CD8B: variants seen among roughly 807,000 people sequenced by gnomAD.
CD8B encodes the protein T-cell surface glycoprotein CD8 beta chain.
Under a neutral mutation model 24.2 loss-of-function variants are expected in CD8B, and 6 were observed. That is an observed-to-expected ratio of 0.25 (90% CI 0.14 to 0.49). The LOEUF (loss-of-function observed/expected upper bound fraction) is 0.49. Ranked by LOEUF, CD8B falls within the 20% of genes least tolerant of loss-of-function variation. The probability of loss-of-function intolerance (pLI) is 0.98; values close to 1 mark genes in which losing one functional copy is unlikely to be tolerated. For missense variants in CD8B, 196 were observed against 271.3 expected (o/e 0.72, Z 1.95); for synonymous variants, 84 against 108.3 (o/e 0.78, Z 1.39).
At chr2:86,828,862 TCACTTTTTAAA>T (rs1324311053) in intron 5 of CD8B, among the ~76,000 whole-genome samples, 1 of 152,122 alleles carries the variant, frequency 6.6e-6, no homozygotes, top group Non-Finnish European at 1.5e-5. Flanking sequence ...TAACTCTTCA[TCACTTTTTAAA>T]AACAGTAATT....
chr2:86,832,045 C>G (rs1361470854), intron 5 of CD8B, among the ~76,000 whole-genome samples: 3 of 152,206 alleles, frequency 2.0e-5, no homozygotes, highest in Non-Finnish European at 4.4e-5. Context: ...CTTAATTGTG[C>G]TGTCTCATCT....
chr2:86,853,266 A>G (rs1676065832), intron 2 of CD8B, among the ~76,000 whole-genome samples, 180 bp from the exon 3 acceptor site: 2 of 150,888 alleles, frequency 1.3e-5, no homozygotes, highest in South Asian at 2.1e-4. Context: ...ACATGGTGAA[A>G]CCCCCTCTCT....
intron 5 of CD8B, among the ~76,000 whole-genome samples, chr2:86,817,304 A>G (rs1168416418): frequency 1.3e-5 from 2 of 152,202 alleles, no homozygotes; most frequent in East Asian, 1.9e-4. Context: ...CCACTTCCAG[A>G]TTCATTGCTC....
intron 5 of CD8B, among the ~76,000 whole-genome samples, chr2:86,816,121 C>T (rs1018879101): frequency 2.0e-5 from 3 of 152,172 alleles, no homozygotes; most frequent in African/African-American, 7.2e-5. Flanking sequence ...GTCTGACCTG[C>T]AAATTAGTTT....
At chr2:86,845,909 T>G (rs1675649776) in intron 4 of CD8B, among the ~76,000 whole-genome samples, 1 of 152,026 alleles carries the variant, frequency 6.6e-6, no homozygotes, top group Non-Finnish European at 1.5e-5. Context: ...TTCAAAGGGG[T>G]CTGTGACCTA....
chr2:86,842,929 G>C (rs1015040264), intron 5 of CD8B, among the ~76,000 whole-genome samples: 1 of 151,992 alleles, frequency 6.6e-6, no homozygotes, highest in African/African-American at 2.4e-5. Context: ...CTGATCCTGG[G>C]CTTGCAAAAG....
chr2:86,859,452 G>T (rs1676459971), intron 1 of CD8B, among the ~76,000 whole-genome samples: 1 of 152,214 alleles, frequency 6.6e-6, no homozygotes, highest in Admixed American at 6.5e-5. Context: ...CTTATGAACG[G>T]AGGACAGCTT....
At chr2:86,861,600 G>A (rs1383050779) in intron 1 of CD8B, among the ~76,000 whole-genome samples, 1 of 152,160 alleles carries the variant, frequency 6.6e-6, no homozygotes, top group Non-Finnish European at 1.5e-5. Context: ...AGGGGAGGTG[G>A]CCTCAGTCCA....
intron 5 of CD8B, chr2:86,821,719 C>T (rs1368615537): frequency 6.8e-6 from 3 of 441,224 alleles, no homozygotes; most frequent in East Asian, 7.2e-5. Context: ...TGAACGCCTT[C>T]GGAACCCTCC....
chr2:86,815,898 C>A (rs1381952540), intron 5 of CD8B, among the ~76,000 whole-genome samples: 1 of 152,168 alleles, frequency 6.6e-6, no homozygotes, highest in Non-Finnish European at 1.5e-5. Flanking sequence ...CAGGATCCAA[C>A]CACATTTGAT....
At chr2:86,828,781 C>T (rs1169383742) in intron 5 of CD8B, among the ~76,000 whole-genome samples, 1 of 152,190 alleles carries the variant, frequency 6.6e-6, no homozygotes, top group Non-Finnish European at 1.5e-5. Context: ...ATGCAACCAG[C>T]AACCTCTACT....
Position 86,841,813 on chromosome 2 carries a change from C to G in CD8B, c.*494G>C, listed in dbSNP as rs1345059652. The G allele has an allele frequency of 6.8e-5, 67 of 985,832 alleles. 1 individual carries two copies. The Middle Eastern group carries it at 1.6e-3, about 23-fold the overall frequency. 61.1% of individuals were successfully genotyped at this position (985,832 alleles called of 1,614,324 possible). ...ATGCCTTCTGGGAACTGGACAGCCC[C>G]TCTCAGCAAGCCTCATTCCCAACCT... On this transcript the variant is annotated 3_prime_UTR_variant, in exon 6 of 6. Coordinates refer to ENST00000390655, the MANE Select transcript of CD8B (RefSeq NM_004931.5).
chr2:86,848,985 G>T (rs1289561420), intron 3 of CD8B, among the ~76,000 whole-genome samples: 3 of 151,646 alleles, frequency 2.0e-5, no homozygotes, highest in Admixed American at 6.6e-5. Flanking sequence ...CCAAAGTGCT[G>T]GGATTACAGG....
chr2:86,842,678 C>T (rs1259485978), intron 5 of CD8B, among the ~76,000 whole-genome samples: 2 of 152,176 alleles, frequency 1.3e-5, no homozygotes, highest in Non-Finnish European at 2.9e-5. Flanking sequence ...GAACAACTAC[C>T]TCAAATCGCA....
chr2:86,815,638 T>A, exon 6 of CD8B: 1 of 1,612,820 alleles, frequency 6.2e-7, no homozygotes, highest in Non-Finnish European at 8.5e-7. Flanking sequence ...GTTAAGCAGC[T>A]TCTGTGAGGT....
intron 5 of CD8B, among the ~76,000 whole-genome samples, chr2:86,821,984 C>G (rs1674496796): frequency 6.6e-6 from 1 of 152,142 alleles, no homozygotes; most frequent in Non-Finnish European, 1.5e-5. Context: ...TATGTCTGCC[C>G]TGTGGCTTCT....
intron 2 of CD8B, among the ~76,000 whole-genome samples, chr2:86,855,648 A>G (rs1336818673): frequency 6.6e-6 from 1 of 152,244 alleles, no homozygotes; most frequent in Non-Finnish European, 1.5e-5. Context: ...GTAAGAGGAA[A>G]CTGTCATCAG....
downstream of CD8B, among the ~76,000 whole-genome samples, chr2:86,834,807 G>A (rs142057616): frequency 7.8e-3 from 1,186 of 151,790 alleles, 10 homozygotes; most frequent in Non-Finnish European, 0.012. Flanking sequence ...ATGATGGCGC[G>A]CACCTGGAAT....
At chr2:86,853,707 T>A (rs1179602626) in intron 2 of CD8B, among the ~76,000 whole-genome samples, 1 of 151,984 alleles carries the variant, frequency 6.6e-6, no homozygotes, top group Non-Finnish European at 1.5e-5. Context: ...ATTTATTTAT[T>A]TATTTATTTA....
Sources: allele counts gnomAD v4.1 joint callset (sites outside exome capture counted in the v4.1 genomes callset), GRCh38; gene constraint gnomAD v4.1.1; transcripts MANE v1.5; gene names NCBI Gene and HGNC (gene_info 2026-07-23, HGNC 2026-07-21).